The following CNTNAP2 variants were observed in gnomAD, a reference collection of about 807,000 sequenced individuals.
The protein encoded by CNTNAP2 is contactin-associated protein-like 2.
A neutral mutation model predicts 155.2 loss-of-function variants in CNTNAP2; 98 were observed. The ratio of observed to expected loss-of-function variants is 0.63; its 90% CI spans 0.54 to 0.75. The LOEUF is 0.75. CNTNAP2 is among the 30% of genes least tolerant of loss of function. The pLI, the probability that CNTNAP2 is intolerant of heterozygous loss-of-function variation, is 0.00. For missense variants in CNTNAP2, 1,727 were observed against 1,688.1 expected (o/e 1.02, Z -0.40); for synonymous variants, 651 against 631.2 (o/e 1.03, Z -0.47).
intron 8 of CNTNAP2, among the ~76,000 whole-genome samples, chr7:147,218,456 A>T (rs996174196): frequency 2.0e-5 from 3 of 151,972 alleles, no homozygotes; most frequent in South Asian, 2.1e-4. Context: ...CAAAATATTT[A>T]AAAATATTTT....
At chr7:147,305,653 T>C (rs1455254157) in intron 9 of CNTNAP2, among the ~76,000 whole-genome samples, 1 of 152,222 alleles carries the variant, frequency 6.6e-6, no homozygotes, top group Non-Finnish European at 1.5e-5. Flanking sequence ...TCAAATGATA[T>C]AAGTTAGACA....
intron 16 of CNTNAP2, among the ~76,000 whole-genome samples, chr7:148,138,341 G>C: frequency 6.6e-6 from 1 of 152,100 alleles, no homozygotes; most frequent in East Asian, 1.9e-4. Context: ...AAACTTGTCA[G>C]CTTTTCCCCC....
chr7:148,333,727 G>A (rs1798070011), intron 21 of CNTNAP2, among the ~76,000 whole-genome samples: 1 of 152,204 alleles, frequency 6.6e-6, no homozygotes, highest in Non-Finnish European at 1.5e-5. Flanking sequence ...AACAGAGAAA[G>A]ATTCACTGCA....
chr7:147,164,539 G>A (rs1455361133), intron 8 of CNTNAP2, among the ~76,000 whole-genome samples: 3 of 152,146 alleles, frequency 2.0e-5, no homozygotes, highest in African/African-American at 4.8e-5. Context: ...TGAACCATAA[G>A]AGATAGTTAA....
Position 147,640,895 on chromosome 7 carries a change from G to T in CNTNAP2, c.2098+1589G>T, listed in dbSNP as rs1298642722. On this transcript the variant is annotated intron_variant, in intron 13 of 23. Coordinates refer to ENST00000361727, the MANE Select transcript of CNTNAP2 (RefSeq NM_014141.6). ...TGCATAGGGCTCAGGGAATTGGTTT[G>T]ACCGGGCACGTTATTCACGTAGCCC... Among the ~76,000 whole-genome samples the T allele has an allele frequency of 2.0e-5, 3 of 152,138 alleles. No homozygotes were observed. In the South Asian group the frequency reaches 6.2e-4, roughly 32 times the overall value.
chr7:146,658,123 T>C (rs1269123710), intron 1 of CNTNAP2, among the ~76,000 whole-genome samples: 1 of 152,140 alleles, frequency 6.6e-6, no homozygotes, highest in African/African-American at 2.4e-5. Flanking sequence ...AGAGTGATAA[T>C]GGTACCTCTA....
At chr7:147,721,189 ATGTTGT>A (rs377106469) in intron 13 of CNTNAP2, among the ~76,000 whole-genome samples, 1 of 151,712 alleles carries the variant, frequency 6.6e-6, no homozygotes, top group Non-Finnish European at 1.5e-5. Context: ...GCTGGTTTCT[ATGTTGT>A]TGTTGTTGTT....
chr7:146,742,495 T>G (rs1563212711), intron 1 of CNTNAP2, among the ~76,000 whole-genome samples: 1 of 152,208 alleles, frequency 6.6e-6, no homozygotes, highest in Non-Finnish European at 1.5e-5. Context: ...AATGAACAAC[T>G]GTAAAGTTTA....
intron 3 of CNTNAP2, among the ~76,000 whole-genome samples, chr7:146,938,878 T>C (rs1796985088): frequency 6.6e-6 from 1 of 152,106 alleles, no homozygotes. Context: ...ATATTGGTAG[T>C]CCCAGAAATC....
At chr7:146,896,548 A>T (rs1011828910) in intron 3 of CNTNAP2, among the ~76,000 whole-genome samples, 14 of 152,104 alleles carry the variant, frequency 9.2e-5, no homozygotes, top group African/African-American at 3.4e-4. Flanking sequence ...TGTCTTTATA[A>T]ATAGAATCAA....
At chr7:148,290,743 C>T (rs1243713820) in intron 21 of CNTNAP2, among the ~76,000 whole-genome samples, 1 of 152,150 alleles carries the variant, frequency 6.6e-6, no homozygotes, top group Non-Finnish European at 1.5e-5. Flanking sequence ...TCAAATCCAT[C>T]ACTCACCCTG....
At chr7:146,764,745 T>C (rs1265898882) in intron 1 of CNTNAP2, among the ~76,000 whole-genome samples, 1 of 152,144 alleles carries the variant, frequency 6.6e-6, no homozygotes, top group Non-Finnish European at 1.5e-5. Context: ...TCTCCAAACA[T>C]GACCGATTTT....
intron 8 of CNTNAP2, among the ~76,000 whole-genome samples, chr7:147,212,623 G>A (rs1240713905): frequency 6.6e-6 from 1 of 152,078 alleles, no homozygotes; most frequent in Non-Finnish European, 1.5e-5. Flanking sequence ...TTGAAAAGCT[G>A]CCTATTCAGT....
intron 13 of CNTNAP2, among the ~76,000 whole-genome samples, chr7:147,645,493 C>T (rs186135373): frequency 7.2e-5 from 11 of 152,110 alleles, no homozygotes; most frequent in South Asian, 2.1e-4. Context: ...AGACAAGCAA[C>T]GAGGATAGTA....
intron 1 of CNTNAP2, among the ~76,000 whole-genome samples, chr7:146,619,588 T>A (rs143332056): frequency 6.6e-6 from 1 of 152,180 alleles, no homozygotes; most frequent in Admixed American, 6.5e-5. Context: ...AAGAATTTTA[T>A]ATGACATAAT....
chr7:148,091,161 G>A (rs1324895644), intron 15 of CNTNAP2, among the ~76,000 whole-genome samples: 1 of 152,076 alleles, frequency 6.6e-6, no homozygotes, highest in African/African-American at 2.4e-5. Flanking sequence ...ACATCATAGT[G>A]ACTACAGCTA....
intron 5 of CNTNAP2, among the ~76,000 whole-genome samples, chr7:147,110,690 G>A (rs76332158): frequency 3.3e-5 from 5 of 152,072 alleles, no homozygotes; most frequent in Admixed American, 6.6e-5. Flanking sequence ...CCATGTGCCC[G>A]CAAAGGACAG....
chr7:146,434,491 C>T (rs139329954), intron 1 of CNTNAP2, among the ~76,000 whole-genome samples: 3 of 152,114 alleles, frequency 2.0e-5, no homozygotes, highest in Non-Finnish European at 4.4e-5. Context: ...TAGTTCATAA[C>T]CCTCAACATT....
intron 1 of CNTNAP2, among the ~76,000 whole-genome samples, chr7:146,123,470 T>C (rs1283812282): frequency 1.3e-5 from 2 of 152,180 alleles, no homozygotes; most frequent in African/African-American, 4.8e-5. Flanking sequence ...GTGACTGGCA[T>C]ACGCACTGTC....
Sources: gnomAD v4.1 joint callset for allele counts (sites outside exome capture counted in the v4.1 genomes callset) on GRCh38, gnomAD v4.1.1 for gene constraint, MANE v1.5 for transcripts, NCBI Gene and HGNC (gene_info 2026-07-23, HGNC 2026-07-21) for gene names.